The following PAPPA2 variants were observed in gnomAD, a reference collection of about 807,000 sequenced individuals.
The protein encoded by PAPPA2 is pappalysin-2.
PAPPA2 carries 86 observed loss-of-function variants against 176.4 expected under a neutral mutation model. That is an observed-to-expected ratio of 0.49 (90% confidence interval 0.41 to 0.58). PAPPA2 has a LOEUF of 0.58. Ranked by LOEUF, PAPPA2 falls within the 20% of genes least tolerant of loss-of-function variation. PAPPA2 has a pLI of 0.00. For synonymous variants in PAPPA2, 809 were observed against 852.2 expected, an observed-to-expected ratio of 0.95 and a Z score of 0.88; for missense variants, 2,073 against 2,256.9, an observed-to-expected ratio of 0.92 and a Z score of 1.65.
Position 176,710,176 on chromosome 1 carries a change from A to C in PAPPA2, c.3651A>C (p.Leu1217=). Residue 1217 remains leucine (L), a splice_region_variant and synonymous_variant, in exon 11 of 23, where the codon CTA becomes CTC. Transcript: ENST00000367662. ...VSLVTGEPHS[L]ICTSYHPDLP... ...TGGTAACTGGAGAACCTCATTCCCT[A>C]GTAAGTTAAGCCAGATGAATAGAGT... 1 of 1,612,888 alleles carries C rather than the reference A, an allele frequency of 6.2e-7. No homozygotes were observed. Among genetic ancestry groups the C allele is most frequent in the Non-Finnish European group, 8.5e-7 (1 of 1,179,348 alleles).
At chr1:176,761,550 C>T (rs1309193695) in intron 14 of PAPPA2, among the ~76,000 whole-genome samples, 2 of 152,208 alleles carry the variant, frequency 1.3e-5, no homozygotes, top group Non-Finnish European at 2.9e-5. Context: ...CTGCTCAAAA[C>T]TATTGGACTA....
At chr1:176,808,388 CG>C (rs1666000832) in intron 21 of PAPPA2, among the ~76,000 whole-genome samples, 1 of 152,022 alleles carries the variant, frequency 6.6e-6, no homozygotes, top group Admixed American at 6.5e-5. Context: ...GTGCCCAGCT[CG>C]CATTTTGGGA....
At chr1:176,499,579 C>T (rs1647835521) in intron 1 of PAPPA2, among the ~76,000 whole-genome samples, 1 of 152,058 alleles carries the variant, frequency 6.6e-6, no homozygotes, top group Non-Finnish European at 1.5e-5. Flanking sequence ...TTTATGATCT[C>T]CTGAGTTTGA....
rs1254390202 is a variant in PAPPA2, at chr1:176,595,145, A to G, written c.1541A>G (p.Asn514Ser). ...CDNVELISQYNGYWPLRGEKV... is the reference protein window; with the variant it reads ...CDNVELISQYSGYWPLRGEKV... Reference sequence around the variant, plus strand: ...AATGTGGAATTGATCTCCCAGTACAATGGATACTGGCCCCTTCGGGGAGAG... The same window carrying G: ...AATGTGGAATTGATCTCCCAGTACAGTGGATACTGGCCCCTTCGGGGAGAG... Residue 514 changes from asparagine (N) to serine (S), a missense_variant, in exon 3 of 23, where the codon AAT becomes AGT. By Grantham distance (46) the Asn-to-Ser change is conservative (BLOSUM62 1). Around this residue, in one of 4 missense-constraint regions of PAPPA2, gnomAD observed 1,196 missense variants for 1,330.4 expected, o/e 0.90. Coordinates refer to ENST00000367662, the MANE Select transcript of PAPPA2 (RefSeq NM_020318.3). The G allele has an allele frequency of 6.2e-7, 1 of 1,614,200 alleles. No individual in the cohort carries two copies. Among genetic ancestry groups the G allele is most frequent in the Non-Finnish European group, 8.5e-7 (1 of 1,180,022 alleles).
chr1:176,542,991 A>G (rs1650441431), intron 1 of PAPPA2, among the ~76,000 whole-genome samples: 2 of 152,210 alleles, frequency 1.3e-5, no homozygotes, highest in African/African-American at 4.8e-5. Flanking sequence ...TCAAAAAGAC[A>G]GTTTTAACTT....
intron 1 of PAPPA2, among the ~76,000 whole-genome samples, chr1:176,464,330 G>A (rs1252855798): frequency 6.6e-6 from 1 of 152,118 alleles, no homozygotes; most frequent in Non-Finnish European, 1.5e-5. Flanking sequence ...AAGTCTGTTT[G>A]TATTTATTCT....
intron 1 of PAPPA2, among the ~76,000 whole-genome samples, chr1:176,531,888 G>C (rs2102553079): frequency 6.6e-6 from 1 of 152,274 alleles, no homozygotes; most frequent in African/African-American, 2.4e-5. Context: ...GCACATGTGG[G>C]CACTGACTGA....
At chr1:176,571,995 C>T (rs1277194827) in intron 2 of PAPPA2, among the ~76,000 whole-genome samples, 5 of 152,122 alleles carry the variant, frequency 3.3e-5, no homozygotes, top group Admixed American at 6.5e-5. Flanking sequence ...ATTCCGGGCA[C>T]GGACCGTCAG....
At chr1:176,636,236 G>T (rs1300176198) in intron 3 of PAPPA2, among the ~76,000 whole-genome samples, 1 of 152,130 alleles carries the variant, frequency 6.6e-6, no homozygotes, top group African/African-American at 2.4e-5. Flanking sequence ...ATTATAAGAT[G>T]TTAAGAAGTA....
At chr1:176,511,466 T>C (rs1177572708) in intron 1 of PAPPA2, among the ~76,000 whole-genome samples, 1 of 152,202 alleles carries the variant, frequency 6.6e-6, no homozygotes, top group African/African-American at 2.4e-5. Context: ...TGTGAACAAG[T>C]CAAGGATGTT....
chr1:176,646,029 A>C (rs1186611660), intron 3 of PAPPA2, among the ~76,000 whole-genome samples: 3 of 151,318 alleles, frequency 2.0e-5, no homozygotes, highest in African/African-American at 7.3e-5. Flanking sequence ...ATTTTCTTTC[A>C]TTCTATGGGT....
chr1:176,536,260 G>A (rs1360676987), intron 1 of PAPPA2, among the ~76,000 whole-genome samples: 3 of 152,154 alleles, frequency 2.0e-5, no homozygotes, highest in Non-Finnish European at 2.9e-5. Flanking sequence ...TTTTGCCCTG[G>A]ACTGCTAGGT....
intron 17 of PAPPA2, among the ~76,000 whole-genome samples, chr1:176,782,699 C>T (rs1471709565): frequency 3.9e-5 from 6 of 152,092 alleles, no homozygotes; most frequent in East Asian, 3.9e-4. Context: ...CCAGAACACA[C>T]GGGACCTCGT....
At chr1:176,502,289 G>T (rs1318512481) in intron 1 of PAPPA2, among the ~76,000 whole-genome samples, 2 of 152,162 alleles carry the variant, frequency 1.3e-5, no homozygotes, top group Non-Finnish European at 2.9e-5. Flanking sequence ...AATGATATTA[G>T]TGAAGTCTAT....
intron 4 of PAPPA2, among the ~76,000 whole-genome samples, chr1:176,687,797 G>A (rs1165222871): frequency 6.6e-6 from 1 of 151,800 alleles, no homozygotes; most frequent in Non-Finnish European, 1.5e-5. Flanking sequence ...TGAGACATCT[G>A]GTACTCCAGA....
chr1:176,718,757 A>G (rs1301673079), intron 12 of PAPPA2, among the ~76,000 whole-genome samples: 1 of 151,258 alleles, frequency 6.6e-6, no homozygotes, highest in Admixed American at 6.6e-5. Flanking sequence ...AGTATATTCT[A>G]TATTTCAATT....
intron 1 of PAPPA2, among the ~76,000 whole-genome samples, chr1:176,553,121 G>A (rs1006825555): frequency 6.6e-6 from 1 of 152,020 alleles, no homozygotes; most frequent in African/African-American, 2.4e-5. Context: ...AATTGAGGAG[G>A]GGGTTGCTGT....
chr1:176,678,652 G>A (rs1472988791), intron 4 of PAPPA2, among the ~76,000 whole-genome samples: 1 of 151,222 alleles, frequency 6.6e-6, no homozygotes, highest in African/African-American at 2.4e-5. Context: ...TTCCTGCTGG[G>A]AGTCAGGCCA....
At chr1:176,519,903 C>A (rs574492485) in intron 1 of PAPPA2, among the ~76,000 whole-genome samples, 1 of 152,280 alleles carries the variant, frequency 6.6e-6, no homozygotes, top group African/African-American at 2.4e-5. Context: ...AAGTACTCTT[C>A]TACTTGACTG....
Sources: gnomAD v4.1 joint callset for allele counts (sites outside exome capture counted in the v4.1 genomes callset) on GRCh38, gnomAD v4.1.1 for gene constraint, gnomAD v4.1.1 regional missense constraint, MANE v1.5 for transcripts, NCBI Gene and HGNC (gene_info 2026-07-23, HGNC 2026-07-21) for gene names.